SMAD6: variants seen among roughly 807,000 people sequenced by gnomAD.
The protein encoded by SMAD6 is MAD homolog 6.
A neutral mutation model predicts 39.4 loss-of-function variants in SMAD6; 103 were observed. That is an observed-to-expected ratio of 2.62 (90% CI 2.23 to 3.08). The LOEUF (loss-of-function observed/expected upper bound fraction) is 3.08. Ranked by LOEUF, SMAD6 falls within the 30% of genes most tolerant of loss-of-function variation. The pLI is 0.00. For missense variants in SMAD6, 1,104 were observed against 742.9 expected (o/e 1.49, Z -5.65); for synonymous variants, 445 against 353.3 (o/e 1.26, Z -2.91).
chr15:66,730,432 C>G (rs1381745469), intron 3 of SMAD6, among the ~76,000 whole-genome samples: 1 of 152,202 alleles, frequency 6.6e-6, no homozygotes, highest in Non-Finnish European at 1.5e-5. Flanking sequence ...CTATACTGCT[C>G]CCTTGTAGTG....
At chr15:66,772,791 C>G (rs1272286561) in intron 3 of SMAD6, among the ~76,000 whole-genome samples, 3 of 152,202 alleles carry the variant, frequency 2.0e-5, no homozygotes, top group African/African-American at 7.2e-5. Flanking sequence ...CATGCAGGCA[C>G]CTTTGCTCCC....
chr15:66,703,475 G>GGA lies in SMAD6; in HGVS notation c.218_219dup (p.Gln74AspfsTer52). On this transcript the variant is annotated frameshift_variant, in exon 1 of 4. Transcript: ENST00000288840. LOFTEE classifies it high-confidence loss of function. ...CCCGCGGCGGCCCCGGGACGCAGTG[G>GGA]GACAGCGAGGCGCCCAGGGCGCGGG... 1 of 1,240,888 alleles carries GGA rather than the reference G, an allele frequency of 8.1e-7. No homozygotes were observed. The highest frequency in any genetic ancestry group is 1.0e-6 in the Non-Finnish European group (1 of 988,362). 76.9% of individuals were successfully genotyped at this position (1,240,888 alleles called of 1,614,324 possible).
rs190838098 is a variant in SMAD6, at chr15:66,731,090, T to A, written c.952+14592T>A. On this transcript the variant is annotated intron_variant, in intron 3 of 3. Coordinates refer to ENST00000288840, the MANE Select transcript of SMAD6 (RefSeq NM_005585.5). The stretch of plus-strand genomic sequence containing the variant: ...TGTATTATTATATGAATTTTTATAA[T>A]TATGTAACCATTATTGCACAATCAA... Among the ~76,000 whole-genome samples, 15 of 152,314 alleles carry A rather than the reference T, an allele frequency of 9.8e-5. No individual in the cohort carries two copies. In the East Asian group the frequency reaches 2.9e-3, roughly 29 times the overall value.
intron 3 of SMAD6, among the ~76,000 whole-genome samples, chr15:66,720,099 C>G (rs1336015490): frequency 6.6e-6 from 1 of 152,182 alleles, no homozygotes; most frequent in East Asian, 1.9e-4. Flanking sequence ...CTGTCCAAGG[C>G]CCCTGTCAGG....
At chr15:66,772,738 C>A (rs930338116) in intron 3 of SMAD6, among the ~76,000 whole-genome samples, 1 of 152,226 alleles carries the variant, frequency 6.6e-6, no homozygotes, top group African/African-American at 2.4e-5. Context: ...TGAAGTCACT[C>A]GTCCAAGATT....
rs75490662 is a variant in SMAD6 at position 66,750,544 on chromosome 15, A to G, written c.953-30453A>G. On this transcript the variant is annotated intron_variant, in intron 3 of 3. Transcript: ENST00000288840. ...TCTTTTGAGGGACTTGGACTTGGCT[A>G]TGGTATGATTTATTTGGTGCCAAGG... Among the ~76,000 whole-genome samples, 597 of 152,290 alleles carry G rather than the reference A, an allele frequency of 3.9e-3. 5 individuals carry two copies. Among genetic ancestry groups the G allele is most frequent in the Non-Finnish European group, 5.5e-3 (371 of 68,014 alleles).
chr15:66,770,337 A>G (rs1894359197), intron 3 of SMAD6, among the ~76,000 whole-genome samples: 1 of 152,294 alleles, frequency 6.6e-6, no homozygotes, highest in Admixed American at 6.5e-5. Flanking sequence ...GCCTGATGTA[A>G]GAACCGGCGC....
Position 66,781,240 on chromosome 15 carries a change from G to A in SMAD6, c.1196G>A (p.Gly399Asp). ...FGILLSKEPD[G>D]VWAYNRGEHP... ...ATCCTGCTCAGCAAGGAGCCCGACG[G>A]CGTGTGGGCCTACAACCGCGGCGAG... Residue 399 changes from glycine to aspartate, a missense_variant, in exon 4 of 4, where the codon GGC (glycine) becomes GAC (aspartate). Coordinates refer to ENST00000288840, the MANE Select transcript of SMAD6 (RefSeq NM_005585.5). 6.2e-7 allele frequency: 1 copy of A among 1,608,684 alleles called. No individual in the cohort carries two copies. The highest frequency in any genetic ancestry group is 1.3e-5 in the African/African-American group (1 of 75,028).
intron 3 of SMAD6, among the ~76,000 whole-genome samples, chr15:66,746,837 A>G (rs1893917359): frequency 1.3e-5 from 2 of 152,164 alleles, no homozygotes; most frequent in South Asian, 2.1e-4. Flanking sequence ...GTGACCCACA[A>G]GTGAATCCAG....
chr15:66,704,151 C>T (rs1477707878), intron 1 of SMAD6, 76 bp downstream of exon 1: 6 of 1,174,724 alleles, frequency 5.1e-6, no homozygotes, highest in Non-Finnish European at 6.6e-6. Context: ...CTCTGTGACA[C>T]TGCGGGTCGG....
At chr15:66,745,265 T>C (rs1893887034) in intron 3 of SMAD6, among the ~76,000 whole-genome samples, 1 of 151,942 alleles carries the variant, frequency 6.6e-6, no homozygotes, top group Admixed American at 6.5e-5. Context: ...AAATCCGGAG[T>C]TCTAGCTGAG....
chr15:66,713,610 G>A (rs975432781), intron 2 of SMAD6, among the ~76,000 whole-genome samples: 31 of 152,314 alleles, frequency 2.0e-4, no homozygotes, highest in African/African-American at 7.2e-4. Flanking sequence ...GAGCCACTGC[G>A]CCTGGCTGGG....
intron 3 of SMAD6, among the ~76,000 whole-genome samples, chr15:66,727,388 C>T (rs1354359112): frequency 6.6e-6 from 1 of 152,176 alleles, no homozygotes; most frequent in African/African-American, 2.4e-5. Context: ...CAGGTGTGAG[C>T]CACTGTGCCC....
intron 3 of SMAD6, among the ~76,000 whole-genome samples, chr15:66,744,100 TC>T (rs1468096436): frequency 7.2e-5 from 11 of 152,158 alleles, no homozygotes; most frequent in Non-Finnish European, 1.5e-5. Context: ...CAGAGTGCCC[TC>T]CGGAAAGGCT....
At chr15:66,765,330 TC>T (rs1421533798) in intron 3 of SMAD6, among the ~76,000 whole-genome samples, 2 of 152,036 alleles carry the variant, frequency 1.3e-5, no homozygotes, top group African/African-American at 4.8e-5. Context: ...TTCAAGTGAT[TC>T]TCCTGCCTCA....
intron 3 of SMAD6, among the ~76,000 whole-genome samples, chr15:66,778,085 CT>C (rs11462070): frequency 2.1e-3 from 288 of 139,438 alleles, no homozygotes; most frequent in Middle Eastern, 3.6e-3. Flanking sequence ...TTTTCTTTTC[CT>C]TTTTTTTTTT....
rs547686674 is a variant in SMAD6, at chr15:66,730,676, C to T, written c.952+14178C>T. 2.6e-5 allele frequency among the ~76,000 whole-genome samples: 4 copies of T among 152,308 alleles called. No individual in the cohort carries two copies. The South Asian group carries it at 8.3e-4, about 32-fold the overall frequency. ...GCAGTAGGAGTAGTAATAACAGTGG[C>T]TAAAAGATGAGTACAAAACAGATGG... On this transcript the variant is annotated intron_variant, in intron 3 of 3. Coordinates refer to ENST00000288840, the MANE Select transcript of SMAD6 (RefSeq NM_005585.5).
At chr15:66,764,407 G>A (rs567398756) in intron 3 of SMAD6, among the ~76,000 whole-genome samples, 47 of 151,870 alleles carry the variant, frequency 3.1e-4, no homozygotes, top group Non-Finnish European at 5.9e-4. Flanking sequence ...TATCTTGGTG[G>A]GATGCGTGCT....
At chr15:66,766,341 A>G (rs1049382257) in intron 3 of SMAD6, among the ~76,000 whole-genome samples, 2 of 152,226 alleles carry the variant, frequency 1.3e-5, no homozygotes, top group African/African-American at 2.4e-5. Flanking sequence ...TCCAGGACGC[A>G]CTCTGTGAAG....
Sources: gnomAD v4.1 joint callset for allele counts (sites outside exome capture counted in the v4.1 genomes callset) on GRCh38, gnomAD v4.1.1 for gene constraint, MANE v1.5 for transcripts, NCBI Gene and HGNC (gene_info 2026-07-23, HGNC 2026-07-21) for gene names.